The following FIGN variants were observed in gnomAD, a reference collection of about 807,000 sequenced individuals.
FIGN encodes fidgetin.
FIGN carries 11 observed loss-of-function variants against 51.3 expected under a neutral mutation model. The observed-to-expected ratio is 0.21, with a 90% CI of 0.13 to 0.35. The LOEUF (loss-of-function observed/expected upper bound fraction) is 0.35, where lower values mean the gene tolerates loss of function less well. Among genes scored for constraint, FIGN ranks in the 10% least tolerant of loss-of-function variants. The pLI is 1.00. For missense variants in FIGN, 857 were observed against 943.6 expected, an observed-to-expected ratio of 0.91 and a Z score of 1.20; for synonymous variants, 407 against 363.2, an observed-to-expected ratio of 1.12 and a Z score of -1.37.
chr2:163,708,715 G>C (rs1272535696), intron 2 of FIGN, among the ~76,000 whole-genome samples: 1 of 152,138 alleles, frequency 6.6e-6, no homozygotes, highest in African/African-American at 2.4e-5. Flanking sequence ...AATCCTGCTA[G>C]ATGGGGGCAG....
rs778703088 is a variant in FIGN, at chr2:163,610,435, G to C, written c.1397C>G (p.Thr466Arg). 6.2e-7 allele frequency: 1 copy of C among 1,614,122 alleles called. No individual in the cohort carries two copies. Among genetic ancestry groups the C allele is most frequent in the East Asian group, 2.2e-5 (1 of 44,862 alleles). ...ATTGGTTACCAGGTCGATGAGGTGC[G>C]TGTCAGTATTCTTCAGTTGCTCGTC... ...SVDEQLKNTDTHLIDLVTNEI... is the reference protein window; with the variant it reads ...SVDEQLKNTDRHLIDLVTNEI... Residue 466 changes from threonine (T) to arginine (R), a missense_variant, in exon 3 of 3, where the codon ACG becomes AGG. By Grantham distance (71) the Thr-to-Arg change is moderately conservative. Coordinates refer to ENST00000333129, the MANE Select transcript of FIGN (RefSeq NM_018086.4).
chr2:163,722,732 TA>T (rs1334887166), intron 2 of FIGN, among the ~76,000 whole-genome samples: 7 of 152,048 alleles, frequency 4.6e-5, no homozygotes, highest in African/African-American at 7.2e-5. Context: ...TTTAAGTATA[TA>T]ATTATAAAAC....
chr2:163,720,370 T>C (rs888970681), intron 2 of FIGN, among the ~76,000 whole-genome samples: 1 of 152,282 alleles, frequency 6.6e-6, no homozygotes, highest in Admixed American at 6.5e-5. Flanking sequence ...GACCACTGAA[T>C]GAAAACAATT....
chr2:163,706,154 G>A (rs1014019833), intron 2 of FIGN, among the ~76,000 whole-genome samples: 4 of 151,984 alleles, frequency 2.6e-5, no homozygotes, highest in African/African-American at 7.2e-5. Flanking sequence ...TAAATGCTAC[G>A]CAAATTTACA....
chr2:163,669,142 GC>G (rs1195774675), intron 2 of FIGN, among the ~76,000 whole-genome samples: 5 of 151,088 alleles, frequency 3.3e-5, no homozygotes, highest in Non-Finnish European at 2.9e-5. Context: ...AAAAAAGTTG[GC>G]CCCCCAAAAT....
At chr2:163,614,440 T>G (rs995386687) in intron 2 of FIGN, among the ~76,000 whole-genome samples, 1 of 152,200 alleles carries the variant, frequency 6.6e-6, no homozygotes, top group Non-Finnish European at 1.5e-5. Context: ...GTGACTGTAA[T>G]GTAGAACTGT....
At chr2:163,636,261 C>A (rs1040486138) in intron 2 of FIGN, among the ~76,000 whole-genome samples, 14 of 152,078 alleles carry the variant, frequency 9.2e-5, no homozygotes, top group Admixed American at 5.9e-4. Flanking sequence ...AAACTGCATA[C>A]CCCTTGTTTC....
chr2:163,701,391 T>C (rs1233444959), intron 2 of FIGN, among the ~76,000 whole-genome samples: 1 of 152,136 alleles, frequency 6.6e-6, no homozygotes, highest in African/African-American at 2.4e-5. Context: ...TCAATAAATA[T>C]GTGCTGATTC....
rs202236615 is a variant in FIGN at position 163,611,028 on chromosome 2, C to G, written c.804G>C (p.Pro268=). The part of the protein sequence containing the change: ...VGSGYSPGGA[P]PPPSAYLPSG... ...AAGGCAGGTACGCTGAAGGCGGAGG[C>G]GGTGCCCCCCCAGGGCTGTACCCAG... is the stretch of plus-strand genomic sequence containing the variant. Residue 268 remains proline, a synonymous_variant, in exon 3 of 3, where the codon CCG becomes CCC. Coordinates refer to ENST00000333129, the MANE Select transcript of FIGN (RefSeq NM_018086.4). 3 of 1,613,630 alleles carry G rather than the reference C, an allele frequency of 1.9e-6. No homozygotes were observed. The highest frequency in any genetic ancestry group is 4.5e-5 in the East Asian group (2 of 44,856).
intron 2 of FIGN, among the ~76,000 whole-genome samples, chr2:163,678,393 G>A (rs1297949887): frequency 6.6e-6 from 1 of 151,912 alleles, no homozygotes; most frequent in African/African-American, 2.4e-5. Flanking sequence ...GCTAATTTTT[G>A]TATTTTTAGT....
chr2:163,619,096 C>T (rs997003712), intron 2 of FIGN, among the ~76,000 whole-genome samples: 2 of 152,040 alleles, frequency 1.3e-5, no homozygotes, highest in Admixed American at 1.3e-4. Context: ...CCCCCTTTTG[C>T]TCTAATTTGT....
chr2:163,637,928 G>A (rs774733070), intron 2 of FIGN, among the ~76,000 whole-genome samples: 1 of 152,018 alleles, frequency 6.6e-6, no homozygotes, highest in East Asian at 2.0e-4. Context: ...CAGAAAGCAC[G>A]GTGCCTCTGT....
chr2:163,635,987 C>T (rs991651805), intron 2 of FIGN, among the ~76,000 whole-genome samples: 1 of 152,044 alleles, frequency 6.6e-6, no homozygotes, highest in African/African-American at 2.4e-5. Flanking sequence ...ATTTTTGTTT[C>T]ACCATTTTTG....
At chr2:163,651,149 G>A (rs1189100239) in intron 2 of FIGN, among the ~76,000 whole-genome samples, 1 of 152,160 alleles carries the variant, frequency 6.6e-6, no homozygotes, top group Non-Finnish European at 1.5e-5. Flanking sequence ...TTCTGAGTTT[G>A]ACTCAGTGTG....
intron 2 of FIGN, among the ~76,000 whole-genome samples, chr2:163,640,167 C>T (rs1683286172): frequency 6.6e-6 from 1 of 152,020 alleles, no homozygotes; most frequent in South Asian, 2.1e-4. Flanking sequence ...ATAATTAGCA[C>T]ATCATTATAA....
At position 163,625,761 on chromosome 2, in the gene FIGN, C is replaced by T. The variant is rs927758680; in HGVS notation, c.26-13955G>A. On this transcript the variant is annotated intron_variant, in intron 2 of 2. Transcript: ENST00000333129. ...TGGAGGACAACTAAATCAGTCTTAT[C>T]CGAAGCTCTTCAGCTTGTAGTAATG... Among the ~76,000 whole-genome samples the T allele has an allele frequency of 7.2e-5, 11 of 152,056 alleles. No individual in the cohort carries two copies. The East Asian group carries it at 2.1e-3, about 29-fold the overall frequency.
intron 2 of FIGN, among the ~76,000 whole-genome samples, chr2:163,626,840 A>G (rs1683061913): frequency 1.3e-5 from 2 of 152,152 alleles, no homozygotes; most frequent in Non-Finnish European, 2.9e-5. Flanking sequence ...CGAGATAGTG[A>G]CGAAAGTGAC....
At chr2:163,611,961 TATA>T (rs1691273089) in intron 2 of FIGN, among the ~76,000 whole-genome samples, 155 bp from the exon 3 acceptor site, 2 of 152,384 alleles carry the variant, frequency 1.3e-5, no homozygotes, top group African/African-American at 2.4e-5. Flanking sequence ...TTATGATCCC[TATA>T]ATAAGTACTC....
intron 2 of FIGN, among the ~76,000 whole-genome samples, chr2:163,684,187 T>C (rs571783493): frequency 6.6e-6 from 1 of 152,296 alleles, no homozygotes; most frequent in South Asian, 2.1e-4. Context: ...ACACACACTT[T>C]AGAGACTTGT....
Sources: gnomAD v4.1 joint callset for allele counts (sites outside exome capture counted in the v4.1 genomes callset) on GRCh38, gnomAD v4.1.1 for gene constraint, MANE v1.5 for transcripts, NCBI Gene and HGNC (gene_info 2026-07-23, HGNC 2026-07-21) for gene names.